The following LIMS1 variants were observed in gnomAD, a reference collection of about 807,000 sequenced individuals.
LIMS1 encodes LIM and senescent cell antigen-like-containing domain protein 1.
Under a neutral mutation model 44.1 loss-of-function variants are expected in LIMS1, and 18 were observed. The observed-to-expected ratio is 0.41, with a 90% CI of 0.28 to 0.61. LIMS1 has a LOEUF of 0.61. LIMS1 is among the 20% of genes least tolerant of loss of function. LIMS1 has a pLI of 0.32. For synonymous variants in LIMS1, 93 were observed against 149.1 expected, an observed-to-expected ratio of 0.62 and a Z score of 2.74; for missense variants, 201 against 422.0, an observed-to-expected ratio of 0.48 and a Z score of 4.59.
intron 1 of LIMS1, among the ~76,000 whole-genome samples, chr2:108,604,445 T>C (rs1179987946): frequency 1.3e-5 from 2 of 152,234 alleles, no homozygotes; most frequent in East Asian, 3.8e-4. Flanking sequence ...TACAGAAGTT[T>C]GATGATTCGT....
At chr2:108,594,204 A>G (rs1686548206) in intron 1 of LIMS1, among the ~76,000 whole-genome samples, 1 of 152,206 alleles carries the variant, frequency 6.6e-6, no homozygotes, top group Admixed American at 6.5e-5. Context: ...GCTTTTGCTT[A>G]GAAAGTTCAC....
rs1489851019 is a variant in LIMS1 at position 108,600,928 on chromosome 2, C to G, written c.33-58677C>G. On this transcript the variant is annotated intron_variant, in intron 1 of 9. Coordinates refer to ENST00000544547, the Ensembl canonical transcript of LIMS1. ...CTTCTCTTCTCTTCTCTTCTCTTCT[C>G]TTCTCTTTTTTCTTCACTTTTCTTT... 3.1e-5 allele frequency among the ~76,000 whole-genome samples: 4 copies of G among 127,418 alleles called. No homozygotes were observed. The East Asian group carries it at 1.4e-3, about 45-fold the overall frequency. 83.6% of individuals were successfully genotyped at this position (127,418 alleles called of 152,430 possible).
chr2:108,662,410 A>G, intron 2 of LIMS1: 2 of 1,525,134 alleles, frequency 1.3e-6, no homozygotes. Context: ...CACCCCTCAC[A>G]CTGGACTATA....
At chr2:108,665,795 A>G (rs1270619488) in intron 2 of LIMS1, among the ~76,000 whole-genome samples, 1 of 152,062 alleles carries the variant, frequency 6.6e-6, no homozygotes, top group Non-Finnish European at 1.5e-5. Context: ...AAGTGCTGAG[A>G]TTACAGGCAT....
chr2:108,566,998 C>G (rs982445817), intron 1 of LIMS1, among the ~76,000 whole-genome samples: 2 of 152,210 alleles, frequency 1.3e-5, no homozygotes, highest in African/African-American at 4.8e-5. Context: ...AACTGAAACT[C>G]TATATCCATT....
At chr2:108,598,091 A>G (rs1448623468) in intron 1 of LIMS1, among the ~76,000 whole-genome samples, 2 of 151,746 alleles carry the variant, frequency 1.3e-5, no homozygotes, top group Admixed American at 6.6e-5. Context: ...AGGAATAGCT[A>G]CCAATTATGA....
intron 1 of LIMS1, among the ~76,000 whole-genome samples, chr2:108,614,885 C>T (rs187780212): frequency 7.9e-5 from 12 of 152,312 alleles, no homozygotes; most frequent in Admixed American, 1.3e-4. Context: ...TTTTAAGACA[C>T]ACCCCTTGAA....
At chr2:108,667,296 G>T (rs949636267) in intron 2 of LIMS1, among the ~76,000 whole-genome samples, 4 of 152,094 alleles carry the variant, frequency 2.6e-5, no homozygotes, top group African/African-American at 9.7e-5. Context: ...GTGAGGGTAT[G>T]CCATGAGCTA....
rs1310022077 is a variant in LIMS1, at chr2:108,534,578, G to A, written c.16G>A (p.Ala6Thr). 2.3e-5 allele frequency: 27 copies of A among 1,187,070 alleles called. No homozygotes were observed. In the East Asian group the frequency reaches 6.7e-4, roughly 29 times the overall value. The allele number at this position is 1,187,070 out of a possible 1,614,324, so 73.5% of individuals were successfully genotyped here. ...AAGCGGAGAGATGCTGGGCGTGGCGGCCGGGATGACCCACAGGTACGGGCC... is the reference window on the plus strand; with the variant it reads ...AAGCGGAGAGATGCTGGGCGTGGCGACCGGGATGACCCACAGGTACGGGCC... The change falls in exon 1 of 10, where the codon GCC (alanine) becomes ACC (threonine). Residue 6 changes from alanine to threonine, a missense_variant. Physicochemically the swap from Ala to Thr is moderately conservative, Grantham distance 58 (BLOSUM62 0). Around this residue, in one of 7 missense-constraint regions of LIMS1, gnomAD observed 101 missense variants for 215.2 expected, o/e 0.47. Transcript: ENST00000544547.
rs572797735 is a variant in LIMS1 at position 108,642,127 on chromosome 2, G to A, written c.33-17478G>A. Among the ~76,000 whole-genome samples, 13 of 152,228 alleles carry A rather than the reference G, an allele frequency of 8.5e-5. No individual in the cohort carries two copies. The South Asian group carries it at 2.7e-3, about 32-fold the overall frequency. ...CATCTAGTAGTTGTTATTGCCAAGT[G>A]CTCCGTTTAGCCATCAGTTATGCAA... On this transcript the variant is annotated intron_variant, in intron 1 of 9. Transcript: ENST00000544547.
chr2:108,559,910 T>C (rs964272777), intron 1 of LIMS1, among the ~76,000 whole-genome samples: 1 of 152,214 alleles, frequency 6.6e-6, no homozygotes, highest in Non-Finnish European at 1.5e-5. Flanking sequence ...TCGTAGGTGC[T>C]GGGGAGTCAG....
chr2:108,592,344 C>A (rs908532571), intron 1 of LIMS1, among the ~76,000 whole-genome samples: 12 of 151,958 alleles, frequency 7.9e-5, no homozygotes, highest in Admixed American at 7.2e-4. Context: ...TTTTATACCC[C>A]AAATGTTGCC....
intron 1 of LIMS1, among the ~76,000 whole-genome samples, chr2:108,585,376 G>T (rs532423421): frequency 6.6e-6 from 1 of 152,026 alleles, no homozygotes; most frequent in Admixed American, 6.6e-5. Flanking sequence ...GGATAACGTC[G>T]CCATGCCTGA....
intron 2 of LIMS1, among the ~76,000 whole-genome samples, chr2:108,663,089 C>G (rs951097325): frequency 6.6e-6 from 1 of 152,204 alleles, no homozygotes; most frequent in African/African-American, 2.4e-5. Flanking sequence ...ACCAGTATTT[C>G]TGTCTCAACT....
In LIMS1 at chr2:108,657,592, G is replaced by A. The variant is rs1375056109; in HGVS notation, c.33-2013G>A. 2.0e-5 allele frequency among the ~76,000 whole-genome samples: 3 copies of A among 152,416 alleles called. No individual in the cohort carries two copies. The East Asian group carries it at 5.8e-4, about 29-fold the overall frequency. On this transcript the variant is annotated intron_variant, in intron 1 of 9. Coordinates refer to ENST00000544547, the Ensembl canonical transcript of LIMS1. ...AAACTGCCACAATCATCTGGCTTACGGCAAAGCTGGGCGATGATGAGAATT... is the reference window on the plus strand; with the variant it reads ...AAACTGCCACAATCATCTGGCTTACAGCAAAGCTGGGCGATGATGAGAATT...
chr2:108,567,729 G>T (rs955280548), intron 1 of LIMS1, among the ~76,000 whole-genome samples: 2 of 152,116 alleles, frequency 1.3e-5, no homozygotes, highest in Admixed American at 1.3e-4. Flanking sequence ...GCGTCACCAT[G>T]CCTGGCTAAT....
At chr2:108,535,053 A>G (rs1300383569) in intron 1 of LIMS1, among the ~76,000 whole-genome samples, 1 of 152,206 alleles carries the variant, frequency 6.6e-6, no homozygotes, top group Non-Finnish European at 1.5e-5. Flanking sequence ...TGGTATGTTA[A>G]CGTACATACC....
At chr2:108,569,764 C>CTTTTTTTTTTTTTTTTTTTTTTTTTTT (rs10596766) in intron 1 of LIMS1, among the ~76,000 whole-genome samples, 1 of 113,100 alleles carries the variant, frequency 8.8e-6, no homozygotes, top group African/African-American at 3.4e-5. Flanking sequence ...CCATATCTGG[C>CTTTTTTTTTTTTTTTTTTTTTTTTTTT]TTTTTTTTTT....
At chr2:108,658,874 G>C (rs528713699) in intron 1 of LIMS1, among the ~76,000 whole-genome samples, 5 of 152,412 alleles carry the variant, frequency 3.3e-5, no homozygotes, top group East Asian at 3.9e-4. Context: ...GTGATTTTAT[G>C]AGCAGGGGAC....
Sources: allele counts gnomAD v4.1 joint callset (sites outside exome capture counted in the v4.1 genomes callset), GRCh38; gene constraint gnomAD v4.1.1; regional missense constraint gnomAD v4.1.1; transcripts MANE v1.5; gene names NCBI Gene and HGNC (gene_info 2026-07-23, HGNC 2026-07-21).